Variants in CYB5R4 observed in about 807,000 individuals in gnomAD.
CYB5R4 encodes the protein cytochrome b5 reductase 4, also known as N-terminal cytochrome b5 and cytochrome b5 oxidoreductase domain-containing protein.
A neutral mutation model predicts 70.2 loss-of-function variants in CYB5R4; 55 were observed. The observed-to-expected ratio is 0.78, with a 90% CI of 0.63 to 0.98. The LOEUF (loss-of-function observed/expected upper bound fraction) is 0.98. Ranked by LOEUF, CYB5R4 falls within the 50% of genes least tolerant of loss-of-function variation. The pLI is 0.00. For synonymous variants in CYB5R4, 197 were observed against 199.5 expected (o/e 0.99, Z 0.11); for missense variants, 562 against 612.6 (o/e 0.92, Z 0.87).
intron 9 of CYB5R4, among the ~76,000 whole-genome samples, chr6:83,923,921 T>A (rs553035892): frequency 4.0e-5 from 6 of 150,142 alleles, no homozygotes; most frequent in African/African-American, 1.5e-4. Context: ...AAAAAAAAAA[T>A]TAGCCGGGCG....
At chr6:83,895,248 C>T (rs2099461687) in intron 3 of CYB5R4, among the ~76,000 whole-genome samples, 1 of 152,096 alleles carries the variant, frequency 6.6e-6, no homozygotes, top group African/African-American at 2.4e-5. Context: ...TCACTGCAAC[C>T]TGCGCCTCCC....
rs1440479019 is a variant in CYB5R4, at chr6:83,895,042, T to C, written c.330+1420T>C. Among the ~76,000 whole-genome samples the C allele has an allele frequency of 3.3e-5, 5 of 152,342 alleles. No homozygotes were observed. The East Asian group carries it at 9.6e-4, about 29-fold the overall frequency. ...ATTTGCTGTTAATGTTCTTCCTGGG[T>C]TGGAGAAGAGTCATGTTTACTCTTG... On this transcript the variant is annotated intron_variant, in intron 3 of 15. Coordinates refer to ENST00000369681, the MANE Select transcript of CYB5R4 (RefSeq NM_016230.4).
chr6:83,919,010 T>A (rs2099465942), intron 6 of CYB5R4, among the ~76,000 whole-genome samples: 1 of 152,144 alleles, frequency 6.6e-6, no homozygotes, highest in Non-Finnish European at 1.5e-5. Flanking sequence ...TCTTCACTAC[T>A]AATATATTTG....
intron 13 of CYB5R4, 91 bp downstream of exon 13, chr6:83,940,297 G>A (rs767289753): frequency 4.8e-6 from 6 of 1,244,560 alleles, no homozygotes; most frequent in Non-Finnish European, 6.6e-6. Flanking sequence ...GACCTTAATA[G>A]ACATGTTACC....
chr6:83,903,606 A>G (rs879291265), intron 3 of CYB5R4, among the ~76,000 whole-genome samples: 2 of 151,750 alleles, frequency 1.3e-5, no homozygotes, highest in Non-Finnish European at 2.9e-5. Context: ...GAGGATTTTG[A>G]TTTACTCTTC....
chr6:83,958,728 G>A (rs1216986089), intron 15 of CYB5R4, among the ~76,000 whole-genome samples: 2 of 152,096 alleles, frequency 1.3e-5, no homozygotes, highest in Non-Finnish European at 2.9e-5. Context: ...GCTGCCAGCT[G>A]GGGTTTAAAT....
chr6:83,956,500 T>C (rs756736721), intron 15 of CYB5R4, among the ~76,000 whole-genome samples: 4 of 152,146 alleles, frequency 2.6e-5, no homozygotes, highest in African/African-American at 4.8e-5. Context: ...AGATAAAAGA[T>C]TGTGGAGACC....
intron 12 of CYB5R4, among the ~76,000 whole-genome samples, chr6:83,937,223 C>T (rs946234614): frequency 6.6e-6 from 1 of 151,684 alleles, no homozygotes; most frequent in South Asian, 2.1e-4. Context: ...TTCAGTGAGC[C>T]GAGATCGTGC....
At chr6:83,861,144 G>C (rs1008166664) in intron 1 of CYB5R4, among the ~76,000 whole-genome samples, 1 of 152,146 alleles carries the variant, frequency 6.6e-6, no homozygotes, top group East Asian at 1.9e-4. Flanking sequence ...GCCCTTCTTC[G>C]TTAAAAATAC....
intron 14 of CYB5R4, among the ~76,000 whole-genome samples, chr6:83,944,762 C>CAAA (rs528900366): frequency 2.1e-5 from 3 of 139,986 alleles, no homozygotes; most frequent in African/African-American, 7.9e-5. Context: ...CAATGGAAAG[C>CAAA]AAAAAAAAAA....
At chr6:83,910,940 A>G (rs1456415483) in intron 4 of CYB5R4, among the ~76,000 whole-genome samples, 3 of 152,240 alleles carry the variant, frequency 2.0e-5, no homozygotes, top group Non-Finnish European at 4.4e-5. Flanking sequence ...TTAAGTCTTC[A>G]TTTTAATTCT....
At chr6:83,886,436 A>G (rs1249325814) in intron 2 of CYB5R4, among the ~76,000 whole-genome samples, 3 of 152,212 alleles carry the variant, frequency 2.0e-5, no homozygotes, top group Non-Finnish European at 4.4e-5. Flanking sequence ...CATAGAAGAA[A>G]TATTATCCAT....
Position 83,962,250 on chromosome 6 carries a change from G to A in CYB5R4, c.*2372G>A, listed in dbSNP as rs956511861. The stretch of plus-strand genomic sequence containing the variant: ...TAGCTTGATAATTCATCTTCATGCT[G>A]CAGTCCTGATCTCCTAAAATTCATT... On this transcript the variant is annotated 3_prime_UTR_variant, in exon 16 of 16. Coordinates refer to ENST00000369681, the MANE Select transcript of CYB5R4 (RefSeq NM_016230.4). The A allele has an allele frequency of 6.6e-6, 1 of 152,178 alleles. No individual in the cohort carries two copies. The highest frequency in any genetic ancestry group is 2.4e-5 in the African/African-American group (1 of 41,428). The allele number at this position is 152,178 out of a possible 1,614,324, so 9.4% of individuals were successfully genotyped here.
At position 83,891,282 on chromosome 6, in the gene CYB5R4, C is replaced by T. The variant is rs192148077; in HGVS notation, c.230-2240C>T. Among the ~76,000 whole-genome samples, 6 of 152,290 alleles carry T rather than the reference C, an allele frequency of 3.9e-5. No homozygotes were observed. In the East Asian group the frequency reaches 9.6e-4, roughly 24 times the overall value. On this transcript the variant is annotated intron_variant, in intron 2 of 15. Coordinates refer to ENST00000369681, the MANE Select transcript of CYB5R4 (RefSeq NM_016230.4). ...TTTCATATGCACTGGGAAACCAAAA[C>T]ATTAGTGTGACTTGCTTTATTTGCT... is the stretch of plus-strand genomic sequence containing the variant.
chr6:83,870,172 A>G (rs2099457358), intron 2 of CYB5R4, among the ~76,000 whole-genome samples: 2 of 152,100 alleles, frequency 1.3e-5, no homozygotes, highest in Admixed American at 6.6e-5. Context: ...CCAACTTTGT[A>G]TTTTTTACTA....
At chr6:83,865,188 G>A (rs923112725) in intron 2 of CYB5R4, among the ~76,000 whole-genome samples, 3 of 152,166 alleles carry the variant, frequency 2.0e-5, no homozygotes, top group Non-Finnish European at 2.9e-5. Context: ...GCACATAGAG[G>A]CCATTGACTT....
At chr6:83,880,009 A>G (rs938189641) in intron 2 of CYB5R4, among the ~76,000 whole-genome samples, 3 of 152,168 alleles carry the variant, frequency 2.0e-5, no homozygotes, top group Admixed American at 2.0e-4. Flanking sequence ...TGATGGGCTC[A>G]AAATTTTATG....
intron 9 of CYB5R4, among the ~76,000 whole-genome samples, chr6:83,923,872 T>C (rs552331936): frequency 6.6e-6 from 1 of 151,442 alleles, no homozygotes; most frequent in South Asian, 2.1e-4. Context: ...GAGACCATCC[T>C]GGCTAACACA....
intron 7 of CYB5R4, 75 bp downstream of exon 7, chr6:83,919,529 CT>C (rs1259498083): frequency 4.2e-6 from 3 of 711,050 alleles, no homozygotes; most frequent in East Asian, 3.2e-5. Flanking sequence ...TTTCTAAACA[CT>C]TTTTTATATT....
Sources: gnomAD v4.1 joint callset for allele counts (sites outside exome capture counted in the v4.1 genomes callset) on GRCh38, gnomAD v4.1.1 for gene constraint, MANE v1.5 for transcripts, NCBI Gene and HGNC (gene_info 2026-07-23, HGNC 2026-07-21) for gene names.